LRRK1: variants seen among roughly 807,000 people sequenced by gnomAD.
The protein encoded by LRRK1 is leucine-rich repeat serine/threonine-protein kinase 1.
Under a neutral mutation model 209.1 loss-of-function variants are expected in LRRK1, and 113 were observed. That is an observed-to-expected ratio of 0.54 (90% confidence interval 0.46 to 0.63). The LOEUF (loss-of-function observed/expected upper bound fraction) is 0.63. LRRK1 is among the 30% of genes least tolerant of loss of function. The pLI is 0.00. For missense variants in LRRK1, 2,284 were observed against 2,632.2 expected, an observed-to-expected ratio of 0.87 and a Z score of 2.89; for synonymous variants, 1,144 against 1,099.7, an observed-to-expected ratio of 1.04 and a Z score of -0.80.
chr15:101,014,656 G>GCCGTCTTCTC (rs1332976658), intron 11 of LRRK1, among the ~76,000 whole-genome samples: 1 of 152,194 alleles, frequency 6.6e-6, no homozygotes, highest in Non-Finnish European at 1.5e-5. Context: ...GCTTGCAGAT[G>GCCGTCTTCTC]CCGTCTTCTC....
chr15:101,058,585 T>C (rs1596341495), intron 29 of LRRK1, among the ~76,000 whole-genome samples: 1 of 130,386 alleles, frequency 7.7e-6, no homozygotes, highest in East Asian at 2.6e-4. Flanking sequence ...TTCTCAAGCA[T>C]GTTCTGCTGC....
In LRRK1 at chr15:100,921,409, G is replaced by A. The variant is rs78073152; in HGVS notation, c.-123+1958G>A. Among the ~76,000 whole-genome samples the A allele has an allele frequency of 4.3e-3, 659 of 152,354 alleles. 3 individuals are homozygous for A. Among genetic ancestry groups the A allele is most frequent in the Non-Finnish European group, 7.1e-3 (485 of 68,034 alleles). On this transcript the variant is annotated intron_variant, in intron 1 of 33. Transcript: ENST00000388948. Reference sequence around the variant, plus strand: ...ATTTTATAGGCAAAAGCCAATGCTAGTAAGGGATGCAAATAGCACTCAAGA... The same window carrying A: ...ATTTTATAGGCAAAAGCCAATGCTAATAAGGGATGCAAATAGCACTCAAGA...
chr15:100,959,636 G>A (rs987038780), intron 2 of LRRK1, among the ~76,000 whole-genome samples: 1 of 152,212 alleles, frequency 6.6e-6, no homozygotes, highest in South Asian at 2.1e-4. Flanking sequence ...AAGGGGCCAG[G>A]CCTCCTGGAA....
Position 101,026,045 on chromosome 15 carries a change from T to G in LRRK1, c.2313T>G (p.Ile771Met). Residue 771 changes from isoleucine (I) to methionine (M), a missense_variant, in exon 17 of 34, where the codon ATT (isoleucine) becomes ATG (methionine). Ile to Met is a conservative substitution (Grantham distance 10). Transcript: ENST00000388948. ...LIEAKFRVER[I>M]ATLRAYVLAL... ...AAGCCAAGTTCCGTGTGGAAAGGAT[T>G]GCAACGCTGCGTGCCTATGTGCTGG... is the stretch of plus-strand genomic sequence containing the variant. 1 of 1,614,258 alleles carries G rather than the reference T, an allele frequency of 6.2e-7. No homozygotes were observed. Among genetic ancestry groups the G allele is most frequent in the Non-Finnish European group, 8.5e-7 (1 of 1,180,038 alleles).
At chr15:101,049,545 G>T (rs746307075) in intron 22 of LRRK1, 99 bp from the exon 23 acceptor site, 110 of 1,401,674 alleles carry the variant, frequency 7.8e-5, no homozygotes, top group Non-Finnish European at 1.0e-4. Context: ...GTCTCTCCAG[G>T]TCCCCGGGGG....
intron 26 of LRRK1, among the ~76,000 whole-genome samples, chr15:101,054,348 G>C (rs146043669): frequency 3.9e-5 from 6 of 152,232 alleles, no homozygotes; most frequent in African/African-American, 1.4e-4. Flanking sequence ...TAGAGATTTC[G>C]AACCCTTGCT....
At chr15:101,019,222 T>G (rs2033672997) in intron 12 of LRRK1, among the ~76,000 whole-genome samples, 1 of 152,204 alleles carries the variant, frequency 6.6e-6, no homozygotes, top group Non-Finnish European at 1.5e-5. Flanking sequence ...AGAGGCTTCA[T>G]AAACACCGTA....
chr15:101,065,391 G>C lies in LRRK1; in HGVS notation c.4954G>C (p.Val1652Leu), dbSNP rs762084426. Residue 1652 changes from valine to leucine, a missense_variant, in exon 32 of 34, where the codon GTG becomes CTG. Val to Leu is a conservative substitution (Grantham distance 32). Coordinates refer to ENST00000388948, the MANE Select transcript of LRRK1 (RefSeq NM_024652.6). The part of the protein sequence containing the change: ...LVLAGLADGL[V>L]AVFPVVRGTP... ...CTTAGCGGGCCTCGCCGATGGGCTT[G>C]TGGCTGTGTTTCCCGTGGTGCGGGG... is the stretch of plus-strand genomic sequence containing the variant. 6.2e-7 allele frequency: 1 copy of C among 1,614,112 alleles called. No homozygotes were observed. The highest frequency in any genetic ancestry group is 8.5e-7 in the Non-Finnish European group (1 of 1,180,038).
intron 3 of LRRK1, among the ~76,000 whole-genome samples, chr15:100,980,565 T>C (rs900709994): frequency 5.9e-5 from 9 of 152,232 alleles, no homozygotes; most frequent in African/African-American, 7.2e-5. Context: ...ATACATACAT[T>C]GTACTAACGT....
chr15:101,009,016 G>C lies in LRRK1; in HGVS notation c.942G>C (p.Leu314=). The change falls in exon 7 of 34, where the codon CTG becomes CTC. Residue 314 remains leucine (L), a synonymous_variant. Transcript: ENST00000388948. ...LRKLNLSDNH[L]GELPGVQSSD... is the part of the protein sequence containing the mutation. Reference sequence around the variant, plus strand: ...AGCTGAACCTCTCCGACAACCACCTGGGGGAGCTGCCTGGCGTGCAGTCAT... The same window carrying C: ...AGCTGAACCTCTCCGACAACCACCTCGGGGAGCTGCCTGGCGTGCAGTCAT... 1 of 1,614,156 alleles carries C rather than the reference G, an allele frequency of 6.2e-7. No homozygotes were observed. The highest frequency in any genetic ancestry group is 8.5e-7 in the Non-Finnish European group (1 of 1,180,016).
At position 101,029,023 on chromosome 15, in the gene LRRK1, C is replaced by T; in HGVS notation, c.2754C>T (p.Asn918=). 6.2e-7 allele frequency: 1 copy of T among 1,614,158 alleles called. No individual in the cohort carries two copies. Among genetic ancestry groups the T allele is most frequent in the Non-Finnish European group, 8.5e-7 (1 of 1,180,002 alleles). ...HFPDTSHGLR[N]LYFLDPIWLS... is the part of the protein sequence containing the mutation. Reference sequence around the variant, plus strand: ...CGGACACCAGCCACGGCCTGAGGAACCTCTACTTCCTCGACCCTATTTGGC... The same window carrying T: ...CGGACACCAGCCACGGCCTGAGGAATCTCTACTTCCTCGACCCTATTTGGC... The change falls in exon 20 of 34, where the codon AAC becomes AAT. Residue 918 remains asparagine, a synonymous_variant. Transcript: ENST00000388948.
chr15:101,007,548 C>T (rs2141689639), intron 6 of LRRK1, among the ~76,000 whole-genome samples: 1 of 152,348 alleles, frequency 6.6e-6, no homozygotes, highest in South Asian at 2.1e-4. Context: ...AGCAGGACTT[C>T]AACGGCAAGA....
At chr15:100,923,750 G>A (rs531923810) in intron 1 of LRRK1, among the ~76,000 whole-genome samples, 50 of 152,280 alleles carry the variant, frequency 3.3e-4, no homozygotes, top group Non-Finnish European at 2.9e-4. Context: ...TTTGGGGCCA[G>A]ATAATTCTTT....
At chr15:101,045,227 G>A (rs1954335468) in intron 20 of LRRK1, among the ~76,000 whole-genome samples, 1 of 152,246 alleles carries the variant, frequency 6.6e-6, no homozygotes, top group South Asian at 2.1e-4. Flanking sequence ...TTAAGATTAG[G>A]AGAGCTGAAG....
chr15:101,007,641 G>A (rs765720472), intron 6 of LRRK1, among the ~76,000 whole-genome samples: 1 of 152,220 alleles, frequency 6.6e-6, no homozygotes, highest in Non-Finnish European at 1.5e-5. Flanking sequence ...CAAAGGGAAG[G>A]CCTCCGGGGC....
intron 20 of LRRK1, among the ~76,000 whole-genome samples, chr15:101,042,946 G>T (rs1205299413): frequency 1.3e-5 from 2 of 152,170 alleles, no homozygotes; most frequent in African/African-American, 4.8e-5. Context: ...GGGCCAGGCT[G>T]GGGGAGCACA....
At chr15:100,980,703 A>T (rs1324098779) in intron 3 of LRRK1, among the ~76,000 whole-genome samples, 1 of 146 alleles carries the variant, frequency 6.8e-3, no homozygotes, top group Non-Finnish European at 0.02. Context: ...CAAAAAGTTA[A>T]AAAAAAAATA....
intron 2 of LRRK1, among the ~76,000 whole-genome samples, chr15:100,971,961 A>C (rs2030912273): frequency 9.1e-6 from 1 of 109,556 alleles, no homozygotes; most frequent in East Asian, 2.2e-4. Flanking sequence ...TGCAAATGAC[A>C]AAAGAATTTT....
chr15:100,932,022 G>A (rs1027759658), intron 2 of LRRK1, among the ~76,000 whole-genome samples: 4 of 151,922 alleles, frequency 2.6e-5, no homozygotes, highest in African/African-American at 9.7e-5. Flanking sequence ...TTTCATTCTT[G>A]TCATTCAGGC....
Sources: allele counts gnomAD v4.1 joint callset (sites outside exome capture counted in the v4.1 genomes callset), GRCh38; gene constraint gnomAD v4.1.1; transcripts MANE v1.5; gene names NCBI Gene and HGNC (gene_info 2026-07-23, HGNC 2026-07-21).